Variants in CHCHD6 observed in about 807,000 individuals in gnomAD.
The protein encoded by CHCHD6 is coiled-coil-helix-coiled-coil-helix domain containing 6, also known as MICOS complex subunit MIC25.
CHCHD6 carries 28 observed loss-of-function variants against 32.3 expected under a neutral mutation model. The ratio of observed to expected loss-of-function variants is 0.87; its 90% CI spans 0.64 to 1.19. The LOEUF is 1.19. Ranked by LOEUF, CHCHD6 falls within the 50% of genes most tolerant of loss-of-function variation. CHCHD6 has a pLI of 0.00. For synonymous variants in CHCHD6, 122 were observed against 117.5 expected (o/e 1.04, Z -0.25); for missense variants, 333 against 307.0 (o/e 1.08, Z -0.63).
chr3:126,878,303 T>C (rs996075160), intron 5 of CHCHD6, among the ~76,000 whole-genome samples: 5 of 152,262 alleles, frequency 3.3e-5, no homozygotes, highest in African/African-American at 9.6e-5. Flanking sequence ...CCATTCCTAA[T>C]TGAAAGAAAC....
At chr3:126,951,796 T>TGACA (rs1430436550) in intron 6 of CHCHD6, among the ~76,000 whole-genome samples, 3 of 152,008 alleles carry the variant, frequency 2.0e-5, no homozygotes, top group African/African-American at 7.3e-5. Context: ...AATGGCAGGG[T>TGACA]GACAGGTCAC....
At chr3:126,764,722 A>G (rs1937294807) in intron 4 of CHCHD6, among the ~76,000 whole-genome samples, 1 of 152,362 alleles carries the variant, frequency 6.6e-6, no homozygotes, top group South Asian at 2.1e-4. Context: ...TTCCAGGAGC[A>G]CAGATGCCTG....
chr3:126,888,215 A>G (rs755302573), intron 5 of CHCHD6, among the ~76,000 whole-genome samples: 23 of 152,028 alleles, frequency 1.5e-4, no homozygotes, highest in South Asian at 2.1e-4. Flanking sequence ...GGCCCTCCGG[A>G]CTCTGGGGTT....
At chr3:126,720,896 T>G (rs1576336174) in intron 1 of CHCHD6, among the ~76,000 whole-genome samples, 2 of 152,342 alleles carry the variant, frequency 1.3e-5, no homozygotes, top group East Asian at 3.9e-4. Context: ...AGGGTCTTAG[T>G]TGCTACAGCC....
intron 4 of CHCHD6, among the ~76,000 whole-genome samples, chr3:126,747,592 A>G (rs933058848): frequency 6.6e-6 from 1 of 152,084 alleles, no homozygotes; most frequent in African/African-American, 2.4e-5. Flanking sequence ...CCTTATTCCA[A>G]TTGCCATTTT....
chr3:126,775,597 C>T (rs894750455), intron 4 of CHCHD6, among the ~76,000 whole-genome samples: 7 of 152,142 alleles, frequency 4.6e-5, no homozygotes, highest in Non-Finnish European at 8.8e-5. Flanking sequence ...ACGGAGTTAG[C>T]AACCGCAAGC....
intron 6 of CHCHD6, among the ~76,000 whole-genome samples, chr3:126,926,803 A>G (rs1275804647): frequency 1.3e-5 from 2 of 152,156 alleles, no homozygotes; most frequent in Non-Finnish European, 2.9e-5. Flanking sequence ...ATCTGGCAGC[A>G]TTTGGGAGAA....
At chr3:126,940,227 G>A (rs555575103) in intron 6 of CHCHD6, among the ~76,000 whole-genome samples, 1 of 152,218 alleles carries the variant, frequency 6.6e-6, no homozygotes, top group Non-Finnish European at 1.5e-5. Context: ...TCCTGCTTCA[G>A]TTTGGTGACA....
Position 126,704,327 on chromosome 3 carries a change from G to C in CHCHD6, c.15G>C (p.Glu5Asp). Reference sequence around the variant, plus strand: ...GGCATCTCGCCATGGGGAGCACGGAGAGCAGCGAGGGCCGCAGGGTGTCCT... The same window carrying C: ...GGCATCTCGCCATGGGGAGCACGGACAGCAGCGAGGGCCGCAGGGTGTCCT... MGSTESSEGRRVSFG... is the reference protein window; with the variant it reads MGSTDSSEGRRVSFG... The change falls in exon 1 of 8, where the codon GAG (glutamate) becomes GAC (aspartate). Residue 5 changes from glutamate (E) to aspartate (D), a missense_variant. By Grantham distance (45) the Glu-to-Asp change is conservative. Transcript: ENST00000290913. 6.2e-7 allele frequency: 1 copy of C among 1,603,888 alleles called. No individual in the cohort carries two copies.
rs572021872 is a variant in CHCHD6, at chr3:126,786,497, C to T, written c.411+53275C>T. On this transcript the variant is annotated intron_variant, in intron 4 of 7. Transcript: ENST00000290913. ...CATCCTCTCCAGCACCTGTTGTTTC[C>T]TGACTTTTTAATGATTGCCATTCTA... is the stretch of plus-strand genomic sequence containing the variant. Among the ~76,000 whole-genome samples the T allele has an allele frequency of 5.2e-4, 79 of 152,218 alleles. No homozygotes were observed. In the East Asian group the frequency reaches 0.015, roughly 28 times the overall value.
chr3:126,793,704 T>C (rs1031373340), intron 4 of CHCHD6, among the ~76,000 whole-genome samples: 2 of 152,188 alleles, frequency 1.3e-5, no homozygotes, highest in African/African-American at 4.8e-5. Flanking sequence ...CATTCATTTG[T>C]CCCTCCCTCC....
intron 5 of CHCHD6, among the ~76,000 whole-genome samples, chr3:126,854,150 T>A (rs1173806128): frequency 6.6e-6 from 1 of 152,212 alleles, no homozygotes; most frequent in Non-Finnish European, 1.5e-5. Flanking sequence ...AAACCAAGTC[T>A]CTGCTTTGCT....
chr3:126,937,350 G>T (rs2078495299), intron 6 of CHCHD6, among the ~76,000 whole-genome samples: 1 of 152,204 alleles, frequency 6.6e-6, no homozygotes, highest in Admixed American at 6.5e-5. Context: ...GAAGCAGCCT[G>T]GGTGGTGAAA....
At chr3:126,954,392 C>A (rs113694433) in intron 6 of CHCHD6, among the ~76,000 whole-genome samples, 1 of 152,216 alleles carries the variant, frequency 6.6e-6, no homozygotes, top group Non-Finnish European at 1.5e-5. Flanking sequence ...TCCTGCACAT[C>A]GCCATTCTGC....
intron 6 of CHCHD6, among the ~76,000 whole-genome samples, chr3:126,934,317 G>C (rs1187379205): frequency 6.6e-6 from 1 of 152,086 alleles, no homozygotes; most frequent in Non-Finnish European, 1.5e-5. Context: ...GGAATGCCCG[G>C]GAGTTTTACT....
At chr3:126,862,144 A>G (rs1309994318) in intron 5 of CHCHD6, among the ~76,000 whole-genome samples, 1 of 62,698 alleles carries the variant, frequency 1.6e-5, no homozygotes, top group Admixed American at 1.6e-4. Context: ...CTCCTCCACC[A>G]TCACCACCTC....
chr3:126,801,469 A>T (rs2107690719), intron 4 of CHCHD6, among the ~76,000 whole-genome samples: 1 of 152,348 alleles, frequency 6.6e-6, no homozygotes, highest in East Asian at 1.9e-4. Context: ...CTAGCACAGC[A>T]GTCTGAGATC....
intron 4 of CHCHD6, among the ~76,000 whole-genome samples, chr3:126,814,579 T>A (rs1169181867): frequency 1.3e-5 from 2 of 152,304 alleles, no homozygotes; most frequent in East Asian, 1.9e-4. Context: ...CATAAAAACC[T>A]AAGAGGACAG....
At chr3:126,800,328 A>G (rs1026679384) in intron 4 of CHCHD6, among the ~76,000 whole-genome samples, 4 of 152,168 alleles carry the variant, frequency 2.6e-5, no homozygotes, top group Admixed American at 6.5e-5. Context: ...GGAGATAAGG[A>G]TGATGGCAGC....
Sources: gnomAD v4.1 joint callset for allele counts (sites outside exome capture counted in the v4.1 genomes callset) on GRCh38, gnomAD v4.1.1 for gene constraint, MANE v1.5 for transcripts, NCBI Gene and HGNC (gene_info 2026-07-23, HGNC 2026-07-21) for gene names.